The following PBX3 variants were observed in gnomAD, a reference collection of about 807,000 sequenced individuals.
The protein encoded by PBX3 is PBX homeobox 3.
Under a neutral mutation model 48.5 loss-of-function variants are expected in PBX3, and 14 were observed. The ratio of observed to expected loss-of-function variants is 0.29; its 90% CI spans 0.19 to 0.45. PBX3 has a LOEUF of 0.45. PBX3 is among the 20% of genes least tolerant of loss of function. The pLI, the probability that PBX3 is intolerant of heterozygous loss-of-function variation, is 1.00. For synonymous variants in PBX3, 210 were observed against 200.3 expected (o/e 1.05, Z -0.41); for missense variants, 386 against 546.7 (o/e 0.71, Z 2.93).
At chr9:125,754,318 C>G in intron 2 of PBX3, among the ~76,000 whole-genome samples, 1 of 152,076 alleles carries the variant, frequency 6.6e-6, no homozygotes, top group East Asian at 1.9e-4. Flanking sequence ...ACCACCTCCC[C>G]CTCAAGCCCG....
At chr9:125,755,446 C>T (rs887710134) in intron 2 of PBX3, among the ~76,000 whole-genome samples, 4 of 152,018 alleles carry the variant, frequency 2.6e-5, no homozygotes, top group African/African-American at 7.2e-5. Flanking sequence ...ATAAATTGAA[C>T]AGTTTTGCAA....
chr9:125,913,640 A>G (rs555499339), intron 2 of PBX3, among the ~76,000 whole-genome samples: 4 of 152,270 alleles, frequency 2.6e-5, no homozygotes, highest in African/African-American at 7.2e-5. Context: ...AGGGAAGTGT[A>G]ATCATTTTGG....
chr9:125,768,906 G>T (rs1836870009), intron 2 of PBX3, among the ~76,000 whole-genome samples: 1 of 152,004 alleles, frequency 6.6e-6, no homozygotes, highest in Non-Finnish European at 1.5e-5. Flanking sequence ...TGAAGTATAG[G>T]TTTACTTGGT....
At chr9:125,917,089 T>A (rs966143883) in intron 3 of PBX3, among the ~76,000 whole-genome samples, 1 of 152,294 alleles carries the variant, frequency 6.6e-6, no homozygotes, top group African/African-American at 2.4e-5. Flanking sequence ...TTAAAGCAAG[T>A]CTTAGACATC....
chr9:125,828,582 G>C (rs557408490), intron 2 of PBX3, among the ~76,000 whole-genome samples: 3 of 152,198 alleles, frequency 2.0e-5, no homozygotes, highest in African/African-American at 7.2e-5. Context: ...AATAAGATTG[G>C]TCAGTTTTTT....
chr9:125,862,467 A>G (rs548628017), intron 2 of PBX3, among the ~76,000 whole-genome samples: 3 of 151,196 alleles, frequency 2.0e-5, no homozygotes, highest in Non-Finnish European at 3.0e-5. Flanking sequence ...GCTCACTACA[A>G]TCTCCACCTC....
At position 125,788,405 on chromosome 9, in the gene PBX3, T is replaced by C. The variant is rs973526564; in HGVS notation, c.274+39782T>C. Among the ~76,000 whole-genome samples, 15 of 152,278 alleles carry C rather than the reference T, an allele frequency of 9.9e-5. No homozygotes were observed. In the East Asian group the frequency reaches 1.2e-3, roughly 12 times the overall value. On this transcript the variant is annotated intron_variant, in intron 2 of 8. Transcript: ENST00000373489. ...TGGGAAGGACATATCCCAAAACCCA[T>C]TGGGATGGGCAAGAAAATATCAGAA...
chr9:125,916,415 C>T lies in PBX3; in HGVS notation c.516+488C>T, dbSNP rs117053590. 3.2e-3 allele frequency among the ~76,000 whole-genome samples: 483 copies of T among 152,154 alleles called. 2 individuals carry two copies. Among genetic ancestry groups the T allele is most frequent in the African/African-American group, 4.6e-3 (190 of 41,492 alleles). On this transcript the variant is annotated intron_variant, in intron 3 of 8. Coordinates refer to ENST00000373489, the MANE Select transcript of PBX3 (RefSeq NM_006195.6). Reference sequence around the variant, plus strand: ...GGAACTTCACCAAGTAAGCAGGTTCCGGCCTGTTTCTCTGAGTATGAGACC... The same window carrying T: ...GGAACTTCACCAAGTAAGCAGGTTCTGGCCTGTTTCTCTGAGTATGAGACC...
rs965239587 is a variant in PBX3 at position 125,889,634 on chromosome 9, G to A, written c.275-26052G>A. On this transcript the variant is annotated intron_variant, in intron 2 of 8. Transcript: ENST00000373489. ...TTCTCTAGTTAATATTCCTGTGTAA[G>A]TGTCGCACAAAAGTAAACCCAAAGA... is the stretch of plus-strand genomic sequence containing the variant. 3.3e-5 allele frequency among the ~76,000 whole-genome samples: 5 copies of A among 152,146 alleles called. No individual in the cohort carries two copies. In the South Asian group the frequency reaches 1.0e-3, roughly 32 times the overall value.
intron 2 of PBX3, among the ~76,000 whole-genome samples, chr9:125,793,855 A>G (rs1015328583): frequency 7.2e-5 from 11 of 152,134 alleles, no homozygotes; most frequent in Non-Finnish European, 1.6e-4. Context: ...GTTATATTAA[A>G]TATATATAAA....
At chr9:125,801,785 A>G (rs560908303) in intron 2 of PBX3, among the ~76,000 whole-genome samples, 19 of 127,036 alleles carry the variant, frequency 1.5e-4, no homozygotes, top group Non-Finnish European at 2.5e-4. Context: ...GAACATGTAT[A>G]CACATACACA....
rs925747461 is a variant in PBX3, at chr9:125,899,251, A to G, written c.275-16435A>G. ...TATTTATATATAAATATACATATGT[A>G]TATATATTTATATATAAATATACAT... is the stretch of plus-strand genomic sequence containing the variant. On this transcript the variant is annotated intron_variant, in intron 2 of 8. Coordinates refer to ENST00000373489, the MANE Select transcript of PBX3 (RefSeq NM_006195.6). 5.8e-4 allele frequency among the ~76,000 whole-genome samples: 75 copies of G among 129,610 alleles called. 3 individuals are homozygous for G. In the South Asian group the frequency reaches 0.01, roughly 18 times the overall value. 85.0% of individuals were successfully genotyped at this position (129,610 alleles called of 152,430 possible).
At chr9:125,763,655 G>A (rs1836727895) in intron 2 of PBX3, among the ~76,000 whole-genome samples, 1 of 152,146 alleles carries the variant, frequency 6.6e-6, no homozygotes, top group South Asian at 2.1e-4. Flanking sequence ...GAACGGTGCT[G>A]TAACAATACT....
intron 2 of PBX3, among the ~76,000 whole-genome samples, chr9:125,782,763 G>A (rs1214984753): frequency 6.6e-6 from 1 of 152,078 alleles, no homozygotes; most frequent in Non-Finnish European, 1.5e-5. Flanking sequence ...GAAATTTCTT[G>A]GCTTTGGGGT....
chr9:125,932,954 G>T (rs1841751075), intron 4 of PBX3, among the ~76,000 whole-genome samples: 1 of 152,228 alleles, frequency 6.6e-6, no homozygotes, highest in Non-Finnish European at 1.5e-5. Context: ...GGCCTGGACT[G>T]ATGTGCCACT....
intron 2 of PBX3, among the ~76,000 whole-genome samples, chr9:125,915,414 G>A (rs1841303906): frequency 6.6e-6 from 1 of 152,112 alleles, no homozygotes; most frequent in Non-Finnish European, 1.5e-5. Context: ...ATTCCAGGAA[G>A]CCAGGGTTAC....
rs560890826 is a variant in PBX3 at position 125,823,153 on chromosome 9, A to T, written c.274+74530A>T. Among the ~76,000 whole-genome samples, 18 of 152,286 alleles carry T rather than the reference A, an allele frequency of 1.2e-4. No individual in the cohort carries two copies. The South Asian group carries it at 3.5e-3, about 30-fold the overall frequency. On this transcript the variant is annotated intron_variant, in intron 2 of 8. Coordinates refer to ENST00000373489, the MANE Select transcript of PBX3 (RefSeq NM_006195.6). ...TGTGGTTCTTGAAACTCCAAAATAC[A>T]GTTGTGGGAAAAGTGGAGAAACGAA...
At chr9:125,781,292 C>T (rs1469562646) in intron 2 of PBX3, among the ~76,000 whole-genome samples, 4 of 151,776 alleles carry the variant, frequency 2.6e-5, no homozygotes, top group Non-Finnish European at 4.4e-5. Context: ...CCAAGGCTGG[C>T]GGATCACTCG....
chr9:125,932,854 G>T (rs1217536430), intron 4 of PBX3, among the ~76,000 whole-genome samples: 1 of 152,098 alleles, frequency 6.6e-6, no homozygotes, highest in Non-Finnish European at 1.5e-5. Flanking sequence ...AAGTGAGCAG[G>T]GCCAGAATGA....
Sources: gnomAD v4.1 joint callset for allele counts (sites outside exome capture counted in the v4.1 genomes callset) on GRCh38, gnomAD v4.1.1 for gene constraint, MANE v1.5 for transcripts, NCBI Gene and HGNC (gene_info 2026-07-23, HGNC 2026-07-21) for gene names.